SIN3A: variants seen among roughly 807,000 people sequenced by gnomAD.
The protein encoded by SIN3A is SIN3 transcription regulator family member A, also known as paired amphipathic helix protein Sin3a.
SIN3A carries 14 observed loss-of-function variants against 146.1 expected under a neutral mutation model. The observed-to-expected ratio is 0.10, with a 90% CI of 0.06 to 0.15. The LOEUF is 0.15. SIN3A is among the 10% of genes least tolerant of loss of function. The pLI is 1.00. For synonymous variants in SIN3A, 572 were observed against 572.0 expected (o/e 1.00, Z 0.00); for missense variants, 1,028 against 1,576.0 (o/e 0.65, Z 5.89).
chr15:75,425,893 T>C (rs2073915929), intron 2 of SIN3A, among the ~76,000 whole-genome samples: 2 of 152,080 alleles, frequency 1.3e-5, no homozygotes, highest in Non-Finnish European at 2.9e-5. Flanking sequence ...TGGAGGGAGA[T>C]GAAGAAATGA....
chr15:75,434,165 C>G (rs2074061830), intron 1 of SIN3A, among the ~76,000 whole-genome samples: 1 of 152,126 alleles, frequency 6.6e-6, no homozygotes, highest in Admixed American at 6.6e-5. Flanking sequence ...ATGCAGGGAG[C>G]AAGTTCAGCT....
intron 4 of SIN3A, among the ~76,000 whole-genome samples, 169 bp from the exon 5 acceptor site, chr15:75,413,214 G>A (rs557033408): frequency 1.2e-3 from 181 of 152,088 alleles, no homozygotes; most frequent in Admixed American, 2.4e-3. Flanking sequence ...TCCACCTCCC[G>A]AGTTCAAGTG....
intron 19 of SIN3A, among the ~76,000 whole-genome samples, chr15:75,378,994 G>A (rs577353195): frequency 2.0e-3 from 311 of 151,832 alleles, no homozygotes; most frequent in African/African-American, 7.1e-3. Flanking sequence ...TCCGCCTTCC[G>A]GTTCAAGCAA....
chr15:75,454,360 T>A (rs890673304), upstream of SIN3A, among the ~76,000 whole-genome samples: 1 of 152,008 alleles, frequency 6.6e-6, no homozygotes, highest in Non-Finnish European at 1.5e-5. Context: ...TCAGCTCCCC[T>A]GCAGGCGGGT....
upstream of SIN3A, among the ~76,000 whole-genome samples, chr15:75,454,669 G>C (rs970644096): frequency 9.2e-5 from 14 of 151,866 alleles, no homozygotes; most frequent in African/African-American, 3.1e-4. Context: ...CCCCTCGTGG[G>C]CGCGCACACG....
intron 1 of SIN3A, among the ~76,000 whole-genome samples, chr15:75,450,441 C>T (rs2074382118): frequency 6.6e-6 from 1 of 152,194 alleles, no homozygotes. Flanking sequence ...GTTTTCCCTC[C>T]GCCACATTTC....
intron 9 of SIN3A, among the ~76,000 whole-genome samples, chr15:75,406,026 G>A (rs553919159): frequency 1.3e-5 from 2 of 152,290 alleles, no homozygotes; most frequent in Non-Finnish European, 1.5e-5. Context: ...ACAGCAGACA[G>A]AAAGGGATCA....
In SIN3A at chr15:75,451,571, C is replaced by G. The variant is rs1211172414; in HGVS notation, c.-182G>C. 8.1e-6 allele frequency: 1 copy of G among 122,730 alleles called. No homozygotes were observed. Among genetic ancestry groups the G allele is most frequent in the African/African-American group, 3.1e-5 (1 of 32,628 alleles). The allele number at this position is 122,730 out of a possible 1,614,324, so 7.6% of individuals were successfully genotyped here. On this transcript the variant is annotated 5_prime_UTR_variant, in exon 1 of 21. Coordinates refer to ENST00000394947, the MANE Select transcript of SIN3A (RefSeq NM_001145358.2). ...CCACTAACGAAGCGGTCACAGGCTC[C>G]GGTGCCCAGACTGGGAAGGAGGGAG...
rs549453518 is a variant in SIN3A at position 75,435,505 on chromosome 15, C to T, written c.-33-5097G>A. 7.9e-5 allele frequency among the ~76,000 whole-genome samples: 12 copies of T among 152,228 alleles called. No individual in the cohort carries two copies. In the South Asian group the frequency reaches 2.3e-3, roughly 29 times the overall value. ...CTGAGTTTGGGAGTTCGAGACCAAC[C>T]TGACCAACATGGAGAAACCCTGTCT... On this transcript the variant is annotated intron_variant, in intron 1 of 20. Coordinates refer to ENST00000394947, the MANE Select transcript of SIN3A (RefSeq NM_001145358.2).
At chr15:75,372,270 A>C in intron 20 of SIN3A, 61 bp from the exon 21 acceptor site, 2 of 1,136,192 alleles carry the variant, frequency 1.8e-6, no homozygotes, top group South Asian at 1.6e-5. Flanking sequence ...AGCCCTTCAA[A>C]TACAAAGCCT....
intron 3 of SIN3A, chr15:75,420,868 T>TA (rs1468562583): frequency 6.6e-6 from 1 of 152,220 alleles, no homozygotes; most frequent in Non-Finnish European, 1.5e-5. Flanking sequence ...TATGCAGGAA[T>TA]ATAGTCAAGA....
At chr15:75,425,162 T>C (rs2141550923) in intron 2 of SIN3A, among the ~76,000 whole-genome samples, 1 of 152,304 alleles carries the variant, frequency 6.6e-6, no homozygotes, top group African/African-American at 2.4e-5. Flanking sequence ...GAATTAAAGA[T>C]GACTCTTACT....
chr15:75,436,195 A>G (rs2074105713), intron 1 of SIN3A, among the ~76,000 whole-genome samples: 2 of 151,558 alleles, frequency 1.3e-5, no homozygotes, highest in Admixed American at 1.3e-4. Context: ...AGCCACGCAC[A>G]ATGGCTCACA....
Position 75,372,131 on chromosome 15 carries a change from G to C in SIN3A, c.3670C>G (p.Arg1224Gly). ...TTGCTGGTCTCTGCTGCCATTTCAC[G>C]GGGCACATGCTCCTTGGTCCATTTA... ...VDKWTKEHVP[R>G]EMAAETSKWL... Residue 1224 changes from arginine to glycine, a missense_variant, in exon 21 of 21, where the codon CGT (arginine) becomes GGT (glycine). Arg to Gly is a moderately radical substitution (Grantham distance 125). Around this residue, in one of 9 missense-constraint regions of SIN3A, gnomAD observed 488 missense variants for 690.2 expected, o/e 0.71. Coordinates refer to ENST00000394947, the MANE Select transcript of SIN3A (RefSeq NM_001145358.2). 4 of 1,614,112 alleles carry C rather than the reference G, an allele frequency of 2.5e-6. No homozygotes were observed. Among genetic ancestry groups the C allele is most frequent in the Non-Finnish European group, 3.4e-6 (4 of 1,180,028 alleles).
intron 20 of SIN3A, among the ~76,000 whole-genome samples, chr15:75,373,953 A>G (rs1044829886): frequency 3.3e-5 from 5 of 152,236 alleles, no homozygotes; most frequent in Admixed American, 2.6e-4. Context: ...GGTTAATTAT[A>G]CATTAAACTG....
chr15:75,398,209 T>C (rs1310174387), intron 12 of SIN3A, among the ~76,000 whole-genome samples: 2 of 152,230 alleles, frequency 1.3e-5, no homozygotes, highest in Non-Finnish European at 2.9e-5. Context: ...CGTATCATTT[T>C]ACATCTTTAG....
rs369132653 is a variant in SIN3A, at chr15:75,409,923, C to T, written c.1230G>A (p.Lys410=). The T allele has an allele frequency of 3.7e-6, 6 of 1,613,980 alleles. No individual in the cohort carries two copies. The African/African-American group carries it at 5.3e-5, about 14-fold the overall frequency. Residue 410 remains lysine (K), a synonymous_variant, in exon 8 of 21, where the codon AAG becomes AAA. Transcript: ENST00000394947. The part of the protein sequence containing the change: ...VRNDHGGTVK[K]PQLNNKPQRP... Reference sequence around the variant, plus strand: ...TCTGCGGCTTGTTGTTCAGTTGGGGCTTCTTGACAGTGCCTCCATGATCAT... The same window carrying T: ...TCTGCGGCTTGTTGTTCAGTTGGGGTTTCTTGACAGTGCCTCCATGATCAT...
Position 75,409,725 on chromosome 15 carries a change from T to C in SIN3A, c.1317+111A>G. 3.2e-6 allele frequency: 4 copies of C among 1,251,624 alleles called. No individual in the cohort carries two copies. In the South Asian group the frequency reaches 4.3e-5, roughly 14 times the overall value. The allele number at this position is 1,251,624 out of a possible 1,614,324, so 77.5% of individuals were successfully genotyped here. On this transcript the variant is annotated intron_variant, in intron 8 of 20. Transcript: ENST00000394947. Reference sequence around the variant, plus strand: ...TTGGGCGACAGAGCGAGACTCGGTCTCAAAAAAACAAAAAAAAACAACAAC... The same window carrying C: ...TTGGGCGACAGAGCGAGACTCGGTCCCAAAAAAACAAAAAAAAACAACAAC...
At chr15:75,427,347 G>A (rs2073942012) in intron 2 of SIN3A, among the ~76,000 whole-genome samples, 1 of 150,038 alleles carries the variant, frequency 6.7e-6, no homozygotes, top group Admixed American at 6.7e-5. Flanking sequence ...CACTCCAGCT[G>A]GGGCGACAGA....
Sources: allele counts gnomAD v4.1 joint callset (sites outside exome capture counted in the v4.1 genomes callset), GRCh38; gene constraint gnomAD v4.1.1; regional missense constraint gnomAD v4.1.1; transcripts MANE v1.5; gene names NCBI Gene and HGNC (gene_info 2026-07-23, HGNC 2026-07-21).